DNAH11: variants seen among roughly 807,000 people sequenced by gnomAD.
DNAH11 encodes axonemal beta dynein heavy chain 11.
DNAH11 carries 442 observed loss-of-function variants against 526.0 expected under a neutral mutation model. The ratio of observed to expected loss-of-function variants is 0.84; its 90% CI spans 0.78 to 0.91. The LOEUF (loss-of-function observed/expected upper bound fraction) is 0.91, where lower values mean the gene tolerates loss of function less well. DNAH11 is among the 40% of genes least tolerant of loss of function. The probability of loss-of-function intolerance (pLI) is 0.00; values close to 1 mark genes in which losing one functional copy is unlikely to be tolerated. For missense variants in DNAH11, 6,989 were observed against 5,448.7 expected, an observed-to-expected ratio of 1.28 and a Z score of -8.90; for synonymous variants, 2,461 against 1,935.9, an observed-to-expected ratio of 1.27 and a Z score of -7.12.
intron 66 of DNAH11, among the ~76,000 whole-genome samples, chr7:21,844,541 A>T (rs1011140083): frequency 6.6e-6 from 1 of 152,234 alleles, no homozygotes; most frequent in African/African-American, 2.4e-5. Flanking sequence ...CTTATGGCCT[A>T]CAAAGCCAAA....
intron 8 of DNAH11, among the ~76,000 whole-genome samples, chr7:21,573,021 T>G (rs1783954318): frequency 6.6e-6 from 1 of 151,960 alleles, no homozygotes; most frequent in African/African-American, 2.4e-5. Flanking sequence ...GGAGGAGGAG[T>G]GTGAGACTGA....
At position 21,867,922 on chromosome 7, in the gene DNAH11, A is replaced by G. The variant is rs1783344766; in HGVS notation, c.11754A>G (p.Lys3918=). 3.2e-6 allele frequency: 5 copies of G among 1,578,960 alleles called. No individual in the cohort carries two copies. Among genetic ancestry groups the G allele is most frequent in the African/African-American group, 1.3e-5 (1 of 74,144 alleles). The change falls in exon 72 of 82, where the codon AAA becomes AAG. Residue 3918 remains lysine, a synonymous_variant. Transcript: ENST00000409508. ...AGAGGACCAGATTGGACTTAGTTAA[A>G]GCATTCGAAGAAAGCAGCCCAGCCA... ...YVERTRLDLV[K]AFEESSPATP...
chr7:21,873,614 T>C (rs1783581949), intron 74 of DNAH11, 113 bp downstream of exon 74: 4 of 996,886 alleles, frequency 4.0e-6, no homozygotes, highest in Non-Finnish European at 6.1e-6. Flanking sequence ...AAGTTCTTAA[T>C]GTTCGCATGT....
Position 21,735,837 on chromosome 7 carries a change from T to A in DNAH11, c.7638T>A (p.Ala2546=). The change falls in exon 46 of 82, where the codon GCT becomes GCA. Residue 2546 remains alanine, a synonymous_variant. Coordinates refer to ENST00000409508, the MANE Select transcript of DNAH11 (RefSeq NM_001277115.2). ...TCAACTACTACACGACATCCACAGC[T>A]CTGCAAAGTAAGTGCACCTGTTTAT... The part of the protein sequence containing the change: ...VPFNYYTTST[A]LQKILEKPLE... 1 of 1,601,258 alleles carries A rather than the reference T, an allele frequency of 6.2e-7. No individual in the cohort carries two copies. The highest frequency in any genetic ancestry group is 8.5e-7 in the Non-Finnish European group (1 of 1,171,844).
At chr7:21,705,080 A>T (rs372067501) in intron 38 of DNAH11, among the ~76,000 whole-genome samples, 1 of 152,242 alleles carries the variant, frequency 6.6e-6, no homozygotes, top group Admixed American at 6.5e-5. Context: ...CAGTGAATGC[A>T]TGGATATTGA....
intron 25 of DNAH11, among the ~76,000 whole-genome samples, chr7:21,633,087 C>T (rs1052098457): frequency 8.5e-5 from 13 of 152,134 alleles, no homozygotes; most frequent in East Asian, 1.9e-4. Flanking sequence ...TCAGATCTTG[C>T]GAGACTTATT....
chr7:21,637,965 T>C (rs1267008004), intron 27 of DNAH11, among the ~76,000 whole-genome samples: 1 of 152,120 alleles, frequency 6.6e-6, no homozygotes, highest in Non-Finnish European at 1.5e-5. Context: ...ATCAAGAGAA[T>C]TGACATGATT....
At chr7:21,626,832 G>A (rs1271175872) in intron 25 of DNAH11, among the ~76,000 whole-genome samples, 1 of 139,656 alleles carries the variant, frequency 7.2e-6, no homozygotes, top group Non-Finnish European at 1.5e-5. Context: ...CTCACTGCAA[G>A]CTCTGCCTTC....
chr7:21,763,328 C>A (rs1293568661), intron 54 of DNAH11, among the ~76,000 whole-genome samples: 2 of 81,468 alleles, frequency 2.5e-5, no homozygotes, highest in Middle Eastern at 0.014. Context: ...GGCAACAGAG[C>A]AAGACTGTCT....
At chr7:21,602,801 A>T (rs1785143830) in intron 18 of DNAH11, among the ~76,000 whole-genome samples, 1 of 152,138 alleles carries the variant, frequency 6.6e-6, no homozygotes, top group African/African-American at 2.4e-5. Context: ...CTTTTTGCTA[A>T]AATATGCCTC....
At chr7:21,655,027 A>G (rs1215224735) in intron 28 of DNAH11, among the ~76,000 whole-genome samples, 1 of 152,026 alleles carries the variant, frequency 6.6e-6, no homozygotes, top group Non-Finnish European at 1.5e-5. Flanking sequence ...AATAAATGCT[A>G]ATGTTTTGTC....
intron 11 of DNAH11, 82 bp from the exon 12 acceptor site, chr7:21,589,126 A>G: frequency 9.5e-7 from 1 of 1,054,664 alleles, no homozygotes; most frequent in Non-Finnish European, 1.3e-6. Context: ...ATTATATTTT[A>G]TATATTGTAT....
intron 28 of DNAH11, among the ~76,000 whole-genome samples, chr7:21,651,827 C>A (rs965038741): frequency 1.3e-5 from 2 of 152,198 alleles, no homozygotes; most frequent in Non-Finnish European, 2.9e-5. Context: ...TACTAACTCT[C>A]CAGCCCACAA....
intron 71 of DNAH11, among the ~76,000 whole-genome samples, chr7:21,867,362 T>C (rs17145746): frequency 0.1 from 15,588 of 152,304 alleles, 1,393 homozygotes; most frequent in African/African-American, 0.23. Flanking sequence ...AACTCTACTT[T>C]ACAAGTTAAT....
chr7:21,828,648 T>C (rs1224821600), intron 65 of DNAH11, among the ~76,000 whole-genome samples: 1 of 152,158 alleles, frequency 6.6e-6, no homozygotes, highest in African/African-American at 2.4e-5. Flanking sequence ...TGAAATTGTC[T>C]TTGTTTTTGA....
chr7:21,691,945 A>T (rs910697345), intron 35 of DNAH11, among the ~76,000 whole-genome samples: 17 of 152,342 alleles, frequency 1.1e-4, no homozygotes, highest in African/African-American at 3.8e-4. Context: ...TAAGTGAATG[A>T]TTAAAATCCC....
In DNAH11 at chr7:21,854,387, G is replaced by T; in HGVS notation, c.11134G>T (p.Ala3712Ser). ...ATGTTACAGACCAGTGGCAGCAAGA[G>T]CATCTCTTCTTTATTTTGTTATTAA... ...RECYRPVAAR[A>S]SLLYFVINDL... The change falls in exon 68 of 82, where the codon GCA (alanine) becomes TCA (serine). Residue 3712 changes from alanine to serine, a missense_variant. Ala to Ser is a moderately conservative substitution (Grantham distance 99). Coordinates refer to ENST00000409508, the MANE Select transcript of DNAH11 (RefSeq NM_001277115.2). The T allele has an allele frequency of 6.2e-7, 1 of 1,613,756 alleles. No individual in the cohort carries two copies. Among genetic ancestry groups the T allele is most frequent in the Non-Finnish European group, 8.5e-7 (1 of 1,179,802 alleles).
At position 21,854,298 on chromosome 7, in the gene DNAH11, G is replaced by C; in HGVS notation, c.11062-17G>C. On this transcript the variant is annotated splice_polypyrimidine_tract_variant and intron_variant, in intron 67 of 81. Coordinates refer to ENST00000409508, the MANE Select transcript of DNAH11 (RefSeq NM_001277115.2). The stretch of plus-strand genomic sequence containing the variant: ...GAAGAGTAAATAAGTTACTTATTTT[G>C]TTTGATCCCACCATAGGTGATTGAA... The C allele has an allele frequency of 1.2e-6, 2 of 1,611,636 alleles. No individual in the cohort carries two copies. Among genetic ancestry groups the C allele is most frequent in the Non-Finnish European group, 1.7e-6 (2 of 1,179,088 alleles).
chr7:21,814,948 A>G (rs1789712387), intron 63 of DNAH11, among the ~76,000 whole-genome samples: 1 of 152,202 alleles, frequency 6.6e-6, no homozygotes, highest in Admixed American at 6.5e-5. Context: ...CATCCTAAAA[A>G]TTTGAGTCTC....
Sources: allele counts gnomAD v4.1 joint callset (sites outside exome capture counted in the v4.1 genomes callset), GRCh38; gene constraint gnomAD v4.1.1; transcripts MANE v1.5; gene names NCBI Gene and HGNC (gene_info 2026-07-23, HGNC 2026-07-21).